NR3C2: variants seen among roughly 807,000 people sequenced by gnomAD.
The protein encoded by NR3C2 is mineralocorticoid receptor.
NR3C2 carries 15 observed loss-of-function variants against 86.4 expected under a neutral mutation model. The observed-to-expected ratio is 0.17, with a 90% confidence interval of 0.12 to 0.27. The LOEUF is 0.27. NR3C2 is among the 10% of genes least tolerant of loss of function. The pLI is 1.00. For synonymous variants in NR3C2, 458 were observed against 450.5 expected (o/e 1.02, Z -0.21); for missense variants, 960 against 1,195.6 (o/e 0.80, Z 2.91).
At chr4:148,352,959 A>G (rs1745370005) in intron 2 of NR3C2, among the ~76,000 whole-genome samples, 1 of 152,198 alleles carries the variant, frequency 6.6e-6, no homozygotes, top group African/African-American at 2.4e-5. Context: ...ATGAATAAAC[A>G]TTAATGAGAA....
chr4:148,115,695 T>C (rs1002891042), intron 7 of NR3C2, among the ~76,000 whole-genome samples: 1 of 152,228 alleles, frequency 6.6e-6, no homozygotes, highest in Non-Finnish European at 1.5e-5. Context: ...TCTACTATTA[T>C]GTTAATAATC....
chr4:148,341,302 T>C (rs1744736731), intron 2 of NR3C2, among the ~76,000 whole-genome samples: 1 of 152,146 alleles, frequency 6.6e-6, no homozygotes, highest in Non-Finnish European at 1.5e-5. Context: ...CTGTGATTTG[T>C]AGCAATATGG....
At chr4:148,334,613 G>A (rs886605796) in intron 2 of NR3C2, among the ~76,000 whole-genome samples, 2 of 152,102 alleles carry the variant, frequency 1.3e-5, no homozygotes, top group African/African-American at 4.8e-5. Context: ...GCATTGATGT[G>A]GCCATAATAT....
chr4:148,081,372 G>C lies in NR3C2; in HGVS notation c.2927C>G (p.Ala976Gly). The C allele has an allele frequency of 6.2e-7, 1 of 1,614,124 alleles. No individual in the cohort carries two copies. The highest frequency in any genetic ancestry group is 8.5e-7 in the Non-Finnish European group (1 of 1,180,014). The change falls in exon 9 of 9, where the codon GCC becomes GGC. Residue 976 changes from alanine (A) to glycine (G), a missense_variant. Ala to Gly is a moderately conservative substitution (Grantham distance 60). Around this residue, in one of 4 missense-constraint regions of NR3C2, gnomAD observed 151 missense variants for 296.3 expected, o/e 0.51. Transcript: ENST00000358102. ...DQLPKVESGN[A>G]KPLYFHRK is the part of the protein sequence containing the mutation. ...CTTCCGGTGGAAGTAGAGCGGCTTGGCGTTCCCCGACTCCACCTTGGGCAG... is the reference window on the plus strand; with the variant it reads ...CTTCCGGTGGAAGTAGAGCGGCTTGCCGTTCCCCGACTCCACCTTGGGCAG...
At chr4:148,381,832 T>G (rs907620) in intron 2 of NR3C2, among the ~76,000 whole-genome samples, 3 of 151,986 alleles carry the variant, frequency 2.0e-5, no homozygotes, top group African/African-American at 7.3e-5. Context: ...CGCTTGTGTG[T>G]ATTTTTCAGA....
intron 3 of NR3C2, among the ~76,000 whole-genome samples, chr4:148,222,506 G>T (rs558535732): frequency 6.6e-6 from 1 of 152,244 alleles, no homozygotes; most frequent in Non-Finnish European, 1.5e-5. Flanking sequence ...TGGTAAAAAT[G>T]GCAATATAAT....
chr4:148,264,103 A>C (rs1217295854), intron 2 of NR3C2, among the ~76,000 whole-genome samples: 1 of 152,230 alleles, frequency 6.6e-6, no homozygotes, highest in Non-Finnish European at 1.5e-5. Context: ...TATCAGTTCA[A>C]TTCCCATATG....
intron 3 of NR3C2, among the ~76,000 whole-genome samples, chr4:148,197,808 A>T (rs1179159205): frequency 6.6e-6 from 1 of 152,234 alleles, no homozygotes; most frequent in African/African-American, 2.4e-5. Context: ...TTGTGTAAAC[A>T]TTAACAATTT....
In NR3C2 at chr4:148,093,480, A is replaced by G. The variant is rs148897868; in HGVS notation, c.2800-11981T>C. Among the ~76,000 whole-genome samples, 473 of 152,290 alleles carry G rather than the reference A, an allele frequency of 3.1e-3. 5 individuals carry two copies. The highest frequency in any genetic ancestry group is 0.011 in the African/African-American group (441 of 41,554). ...GACTTCAATAGCGTGCTCATTTCTTATATGTTATCTGTTGACTCCAGAATG... is the reference window on the plus strand; with the variant it reads ...GACTTCAATAGCGTGCTCATTTCTTGTATGTTATCTGTTGACTCCAGAATG... On this transcript the variant is annotated intron_variant, in intron 8 of 8. Coordinates refer to ENST00000358102, the MANE Select transcript of NR3C2 (RefSeq NM_000901.5).
At chr4:148,283,257 G>A (rs1381437725) in intron 2 of NR3C2, among the ~76,000 whole-genome samples, 2 of 152,090 alleles carry the variant, frequency 1.3e-5, no homozygotes, top group African/African-American at 4.8e-5. Flanking sequence ...AGAACTGAAT[G>A]GATCAGGAAA....
intron 2 of NR3C2, among the ~76,000 whole-genome samples, chr4:148,300,094 C>T (rs780946130): frequency 2.0e-5 from 3 of 152,216 alleles, no homozygotes; most frequent in Non-Finnish European, 4.4e-5. Flanking sequence ...ACTGTTGAAG[C>T]TGGCCCAGCA....
chr4:148,341,440 T>C (rs1744744044), intron 2 of NR3C2, among the ~76,000 whole-genome samples: 1 of 152,118 alleles, frequency 6.6e-6, no homozygotes, highest in African/African-American at 2.4e-5. Context: ...TTGGTGGTTA[T>C]CTAGGCTGAG....
intron 3 of NR3C2, among the ~76,000 whole-genome samples, chr4:148,202,201 C>T (rs565141687): frequency 1.3e-5 from 2 of 152,334 alleles, no homozygotes; most frequent in Non-Finnish European, 2.9e-5. Context: ...GATTCCTTCC[C>T]GTCCCCACAG....
intron 2 of NR3C2, among the ~76,000 whole-genome samples, chr4:148,326,721 G>A (rs1013559116): frequency 1.3e-5 from 2 of 151,910 alleles, no homozygotes. Flanking sequence ...ATACATTAGA[G>A]ACAAGGACGA....
At chr4:148,218,092 C>T (rs1298905211) in intron 3 of NR3C2, among the ~76,000 whole-genome samples, 2 of 152,162 alleles carry the variant, frequency 1.3e-5, no homozygotes, top group African/African-American at 4.8e-5. Flanking sequence ...AAGTTACCAA[C>T]ATTTGATTTC....
rs1163073666 is a variant in NR3C2 at position 148,392,756 on chromosome 4, T to C, written c.1757+42348A>G. Among the ~76,000 whole-genome samples, 7 of 152,364 alleles carry C rather than the reference T, an allele frequency of 4.6e-5. No individual in the cohort carries two copies. The East Asian group carries it at 1.3e-3, about 29-fold the overall frequency. Reference sequence around the variant, plus strand: ...AAAGTATTTTACCAAAATAAAATACTGTAACAGAAGCTGCTTTCTGAGACA... The same window carrying C: ...AAAGTATTTTACCAAAATAAAATACCGTAACAGAAGCTGCTTTCTGAGACA... On this transcript the variant is annotated intron_variant, in intron 2 of 8. Transcript: ENST00000358102.
At chr4:148,361,853 T>C (rs1305801823) in intron 2 of NR3C2, among the ~76,000 whole-genome samples, 2 of 152,240 alleles carry the variant, frequency 1.3e-5, no homozygotes, top group African/African-American at 4.8e-5. Context: ...GTTTTTGTTT[T>C]TGAGACAGAG....
rs553354783 is a variant in NR3C2 at position 148,261,888 on chromosome 4, G to A, written c.1758-1771C>T. On this transcript the variant is annotated intron_variant, in intron 2 of 8. Transcript: ENST00000358102. The stretch of plus-strand genomic sequence containing the variant: ...AACAGAGGAAAGAACAAGCTATACA[G>A]CTGCTTAGAGCATGACTGCCTTTCT... Among the ~76,000 whole-genome samples, 20 of 152,342 alleles carry A rather than the reference G, an allele frequency of 1.3e-4. No individual in the cohort carries two copies. In the South Asian group the frequency reaches 4.1e-3, roughly 32 times the overall value.
intron 2 of NR3C2, among the ~76,000 whole-genome samples, chr4:148,301,674 G>C (rs1046393479): frequency 2.0e-5 from 3 of 152,052 alleles, no homozygotes; most frequent in Non-Finnish European, 2.9e-5. Flanking sequence ...CATCATTTTG[G>C]CAAAATAAAT....
Sources: allele counts gnomAD v4.1 joint callset (sites outside exome capture counted in the v4.1 genomes callset), GRCh38; gene constraint gnomAD v4.1.1; regional missense constraint gnomAD v4.1.1; transcripts MANE v1.5; gene names NCBI Gene and HGNC (gene_info 2026-07-23, HGNC 2026-07-21).